The following VPS13B variants were observed in gnomAD, a reference collection of about 807,000 sequenced individuals.
The protein encoded by VPS13B is vacuolar protein sorting 13 homolog B.
VPS13B carries 285 observed loss-of-function variants against 426.4 expected under a neutral mutation model. That is an observed-to-expected ratio of 0.67 (90% CI 0.61 to 0.74). The LOEUF (loss-of-function observed/expected upper bound fraction) is 0.74, where lower values mean the gene tolerates loss of function less well. Among genes scored for constraint, VPS13B ranks in the 30% least tolerant of loss-of-function variants. The pLI is 0.00. For synonymous variants in VPS13B, 1,676 were observed against 1,676.4 expected (o/e 1.00, Z 0.01); for missense variants, 4,537 against 4,782.6 (o/e 0.95, Z 1.51).
At chr8:99,276,180 A>G (rs994659023) in intron 19 of VPS13B, among the ~76,000 whole-genome samples, 2 of 152,172 alleles carry the variant, frequency 1.3e-5, no homozygotes, top group African/African-American at 4.8e-5. Flanking sequence ...ACAAATGAAT[A>G]TATACAGGGA....
intron 51 of VPS13B, among the ~76,000 whole-genome samples, chr8:99,826,638 G>C (rs1386292183): frequency 6.6e-6 from 1 of 152,172 alleles, no homozygotes; most frequent in Non-Finnish European, 1.5e-5. Context: ...GGGCATCCTT[G>C]TCTTGTGATG....
intron 17 of VPS13B, among the ~76,000 whole-genome samples, chr8:99,221,256 C>A (rs1815704226): frequency 6.8e-6 from 1 of 148,122 alleles, no homozygotes; most frequent in Non-Finnish European, 1.5e-5. Flanking sequence ...CATACGTGTG[C>A]ATGTGTCTTT....
intron 51 of VPS13B, among the ~76,000 whole-genome samples, chr8:99,832,070 T>G (rs1439407732): frequency 6.6e-6 from 1 of 151,998 alleles, no homozygotes; most frequent in African/African-American, 2.4e-5. Flanking sequence ...AGACCAGCCT[T>G]GGCCAACATA....
intron 7 of VPS13B, among the ~76,000 whole-genome samples, chr8:99,118,788 AT>A (rs1389021565): frequency 6.6e-6 from 1 of 152,180 alleles, no homozygotes; most frequent in Non-Finnish European, 1.5e-5. Flanking sequence ...TTATTTTACC[AT>A]TCACTGTTTG....
intron 30 of VPS13B, among the ~76,000 whole-genome samples, chr8:99,550,679 C>T (rs1000926338): frequency 6.6e-6 from 1 of 151,788 alleles, no homozygotes; most frequent in Admixed American, 6.6e-5. Flanking sequence ...TTTGCTAAAA[C>T]TAGTATTTTA....
chr8:99,264,457 TC>T (rs1818203786), intron 17 of VPS13B, among the ~76,000 whole-genome samples: 1 of 152,190 alleles, frequency 6.6e-6, no homozygotes, highest in South Asian at 2.1e-4. Context: ...TCTGAATGAA[TC>T]TTTATTTTGT....
chr8:99,838,740 A>C (rs1208131959), intron 54 of VPS13B, among the ~76,000 whole-genome samples: 1 of 152,224 alleles, frequency 6.6e-6, no homozygotes, highest in Non-Finnish European at 1.5e-5. Flanking sequence ...CAGTTGTGCT[A>C]TGTGGGTGTA....
chr8:99,664,995 T>C (rs1193632570), intron 35 of VPS13B, among the ~76,000 whole-genome samples: 2 of 152,250 alleles, frequency 1.3e-5, no homozygotes, highest in Non-Finnish European at 2.9e-5. Context: ...TCTTGACTTT[T>C]TAATGATCAC....
intron 2 of VPS13B, among the ~76,000 whole-genome samples, chr8:99,031,861 A>G (rs553859349): frequency 6.6e-6 from 1 of 152,366 alleles, no homozygotes; most frequent in Non-Finnish European, 1.5e-5. Flanking sequence ...TTGAGCCCCA[A>G]GGCAGAATGC....
intron 2 of VPS13B, among the ~76,000 whole-genome samples, chr8:99,031,394 G>A (rs1377915411): frequency 1.3e-5 from 2 of 151,956 alleles, no homozygotes; most frequent in Admixed American, 1.3e-4. Flanking sequence ...TATTTTATAG[G>A]TTTGTCTTCC....
chr8:99,095,909 G>A (rs1386669862), intron 3 of VPS13B, among the ~76,000 whole-genome samples: 1 of 152,060 alleles, frequency 6.6e-6, no homozygotes, highest in Non-Finnish European at 1.5e-5. Flanking sequence ...ATTGAAAATA[G>A]TGTTTTAACA....
At chr8:99,778,002 C>A (rs550329684) in intron 41 of VPS13B, among the ~76,000 whole-genome samples, 1 of 151,978 alleles carries the variant, frequency 6.6e-6, no homozygotes, top group Non-Finnish European at 1.5e-5. Flanking sequence ...GAGGCCGAGG[C>A]GGGTGGATCA....
intron 17 of VPS13B, among the ~76,000 whole-genome samples, chr8:99,240,622 G>A (rs190446529): frequency 6.6e-6 from 1 of 152,204 alleles, no homozygotes; most frequent in East Asian, 1.9e-4. Context: ...AACATTAACT[G>A]TTTGAAAACT....
chr8:99,075,501 ACCT>A (rs1359182918), intron 3 of VPS13B, among the ~76,000 whole-genome samples: 1 of 151,974 alleles, frequency 6.6e-6, no homozygotes, highest in African/African-American at 2.4e-5. Flanking sequence ...TGATCCAGTC[ACCT>A]CTCACCAGGC....
At chr8:99,289,475 G>A (rs944959378) in intron 19 of VPS13B, among the ~76,000 whole-genome samples, 1 of 152,068 alleles carries the variant, frequency 6.6e-6, no homozygotes, top group Non-Finnish European at 1.5e-5. Context: ...GCTATGGTTA[G>A]TGTTACTTTG....
chr8:99,130,329 CAAATT>C (rs1435474802), intron 8 of VPS13B, among the ~76,000 whole-genome samples: 6 of 150,492 alleles, frequency 4.0e-5, no homozygotes, highest in Non-Finnish European at 8.8e-5. Context: ...AAAATCATGC[CAAATT>C]AAATCTAGCA....
At chr8:99,521,112 A>C in intron 30 of VPS13B, 102 bp downstream of exon 30, 1 of 980,962 alleles carries the variant, frequency 1.0e-6, no homozygotes, top group East Asian at 2.5e-5. Flanking sequence ...TTTCTCATTC[A>C]GGATCTTTTG....
At chr8:99,728,389 G>A (rs1437060031) in intron 39 of VPS13B, among the ~76,000 whole-genome samples, 3 of 152,190 alleles carry the variant, frequency 2.0e-5, no homozygotes, top group Non-Finnish European at 4.4e-5. Flanking sequence ...TATGAGGAGT[G>A]GGGATAATGT....
intron 33 of VPS13B, among the ~76,000 whole-genome samples, chr8:99,595,217 A>G (rs1826946636): frequency 6.6e-6 from 1 of 151,948 alleles, no homozygotes; most frequent in Non-Finnish European, 1.5e-5. Context: ...TTTCATTAAT[A>G]TAAAAATGTA....
Sources: gnomAD v4.1 joint callset for allele counts (sites outside exome capture counted in the v4.1 genomes callset) on GRCh38, gnomAD v4.1.1 for gene constraint, MANE v1.5 for transcripts, NCBI Gene and HGNC (gene_info 2026-07-23, HGNC 2026-07-21) for gene names.